Variants in ANKS1B observed in about 807,000 individuals in gnomAD.
ANKS1B encodes ankyrin repeat and sterile alpha motif domain containing 1B.
ANKS1B carries 36 observed loss-of-function variants against 148.3 expected under a neutral mutation model. That is an observed-to-expected ratio of 0.24 (90% CI 0.19 to 0.32). The LOEUF is 0.32. ANKS1B is among the 10% of genes least tolerant of loss of function. The pLI, the probability that ANKS1B is intolerant of heterozygous loss-of-function variation, is 1.00. For synonymous variants in ANKS1B, 542 were observed against 560.8 expected (o/e 0.97, Z 0.47); for missense variants, 1,157 against 1,542.6 (o/e 0.75, Z 4.19).
At chr12:98,881,216 T>A (rs1314129387) in intron 17 of ANKS1B, among the ~76,000 whole-genome samples, 1 of 152,232 alleles carries the variant, frequency 6.6e-6, no homozygotes, top group Non-Finnish European at 1.5e-5. Context: ...AACTGTCTTA[T>A]AAATTGCTCA....
chr12:99,897,522 G>C (rs996282734), intron 1 of ANKS1B, among the ~76,000 whole-genome samples: 2 of 151,118 alleles, frequency 1.3e-5, no homozygotes, highest in African/African-American at 4.8e-5. Context: ...CAAAAGATTG[G>C]TGTAAACTAT....
intron 22 of ANKS1B, 140 bp downstream of exon 22, chr12:98,798,794 G>C: frequency 1.7e-6 from 1 of 577,118 alleles, no homozygotes. Context: ...CAGAAAGCAA[G>C]AGCACCTTTT....
At chr12:99,412,543 G>A (rs986969789) in intron 11 of ANKS1B, among the ~76,000 whole-genome samples, 3 of 152,300 alleles carry the variant, frequency 2.0e-5, no homozygotes, top group Non-Finnish European at 2.9e-5. Flanking sequence ...TTCCACCAGT[G>A]TTGGATGGTG....
intron 21 of ANKS1B, among the ~76,000 whole-genome samples, chr12:98,800,230 A>T (rs2098990351): frequency 6.6e-6 from 1 of 151,980 alleles, no homozygotes; most frequent in Admixed American, 6.6e-5. Context: ...AAAAAAAAAA[A>T]AAAAAAGCTC....
exon 10 of ANKS1B, chr12:98,735,586 T>A: frequency 1.3e-6 from 1 of 774,042 alleles, no homozygotes; most frequent in Non-Finnish European, 2.4e-6. Flanking sequence ...GCCTCCTCAG[T>A]GTGTCTCTCT....
At chr12:99,137,115 A>G (rs1367751673) in intron 15 of ANKS1B, among the ~76,000 whole-genome samples, 2 of 152,212 alleles carry the variant, frequency 1.3e-5, no homozygotes, top group African/African-American at 4.8e-5. Flanking sequence ...GAGAAGCCTT[A>G]ATTTTTAGCA....
At chr12:99,887,788 C>G (rs1040984636) in intron 1 of ANKS1B, among the ~76,000 whole-genome samples, 16 of 152,160 alleles carry the variant, frequency 1.1e-4, no homozygotes, top group Non-Finnish European at 2.1e-4. Context: ...AATCCACTTC[C>G]CTGTTAATTT....
chr12:99,422,494 A>G (rs1325075705), intron 11 of ANKS1B, among the ~76,000 whole-genome samples: 1 of 152,222 alleles, frequency 6.6e-6, no homozygotes, highest in Non-Finnish European at 1.5e-5. Flanking sequence ...GTAATCTTTC[A>G]GCTGCCACCT....
At chr12:99,191,617 T>C in intron 14 of ANKS1B, among the ~76,000 whole-genome samples, 1 of 139,878 alleles carries the variant, frequency 7.1e-6, no homozygotes, top group African/African-American at 2.7e-5. Flanking sequence ...CACCATATAC[T>C]CTCACTCATA....
chr12:99,071,647 T>C (rs1041702005), intron 16 of ANKS1B, among the ~76,000 whole-genome samples: 39 of 149,170 alleles, frequency 2.6e-4, no homozygotes, highest in African/African-American at 7.3e-4. Context: ...TCTCTCTCTT[T>C]TTTTTTTTTT....
chr12:98,990,638 C>G (rs1283095729), intron 17 of ANKS1B, among the ~76,000 whole-genome samples: 1 of 151,366 alleles, frequency 6.6e-6, no homozygotes, highest in African/African-American at 2.4e-5. Flanking sequence ...ATAAGGGAAT[C>G]TGATCCAGCA....
chr12:99,409,663 A>T (rs2094625354), intron 11 of ANKS1B, among the ~76,000 whole-genome samples: 3 of 152,300 alleles, frequency 2.0e-5, no homozygotes, highest in African/African-American at 7.2e-5. Context: ...TAAAAATTAA[A>T]ATAAAAAAGA....
intron 13 of ANKS1B, among the ~76,000 whole-genome samples, chr12:99,245,002 A>G (rs947614301): frequency 2.0e-5 from 3 of 152,232 alleles, no homozygotes; most frequent in East Asian, 1.9e-4. Flanking sequence ...TTACAGGCAT[A>G]TGCCACCACA....
Position 99,806,661 on chromosome 12 carries a change from A to T in ANKS1B, c.412T>A (p.Tyr138Asn). Reference protein sequence around the residue: ...NETALHCAAQYGHSEVVAVLL... With the variant: ...NETALHCAAQNGHSEVVAVLL... ...ACAGCAACTACTTCTGAGTGTCCATATTGAGCTGCACAGTGTAGGGCAGTT... is the reference window on the plus strand; with the variant it reads ...ACAGCAACTACTTCTGAGTGTCCATTTTGAGCTGCACAGTGTAGGGCAGTT... Residue 138 changes from tyrosine to asparagine, a missense_variant, in exon 4 of 27, where the codon TAT becomes AAT. Coordinates refer to ENST00000683438, the MANE Select transcript of ANKS1B (RefSeq NM_001352186.2). 6.2e-7 allele frequency: 1 copy of T among 1,613,970 alleles called. No homozygotes were observed. Among genetic ancestry groups the T allele is most frequent in the Non-Finnish European group, 8.5e-7 (1 of 1,179,850 alleles).
chr12:99,224,083 C>T (rs546240581), intron 14 of ANKS1B, among the ~76,000 whole-genome samples: 12 of 151,780 alleles, frequency 7.9e-5, no homozygotes, highest in African/African-American at 2.7e-4. Context: ...GGAAGAAATG[C>T]CTGTATATAT....
At chr12:99,930,382 C>A (rs2094582893) in intron 1 of ANKS1B, among the ~76,000 whole-genome samples, 1 of 152,118 alleles carries the variant, frequency 6.6e-6, no homozygotes, top group Non-Finnish European at 1.5e-5. Context: ...TGCTTATCAG[C>A]TTGAGGAGAT....
At chr12:99,543,147 C>T (rs777269700) in intron 9 of ANKS1B, among the ~76,000 whole-genome samples, 4 of 151,934 alleles carry the variant, frequency 2.6e-5, no homozygotes, top group Non-Finnish European at 4.4e-5. Context: ...GACAAATTAT[C>T]CAATTTAAAA....
At chr12:99,536,408 T>C (rs921447750) in intron 9 of ANKS1B, among the ~76,000 whole-genome samples, 2 of 152,194 alleles carry the variant, frequency 1.3e-5, no homozygotes, top group Non-Finnish European at 2.9e-5. Flanking sequence ...TAGTCTTTAT[T>C]ATAAACAAAA....
At chr12:98,894,969 G>T (rs2099761540) in intron 17 of ANKS1B, 1 of 829,830 alleles carries the variant, frequency 1.2e-6, no homozygotes, top group Admixed American at 6.5e-5. Context: ...GGCTCCACGC[G>T]GCGCGCGCCT....
Sources: gnomAD v4.1 joint callset for allele counts (sites outside exome capture counted in the v4.1 genomes callset) on GRCh38, gnomAD v4.1.1 for gene constraint, MANE v1.5 for transcripts, NCBI Gene and HGNC (gene_info 2026-07-23, HGNC 2026-07-21) for gene names.